EXOC1: variants seen among roughly 807,000 people sequenced by gnomAD.
EXOC1 encodes SEC3-like 1.
A neutral mutation model predicts 107.7 loss-of-function variants in EXOC1; 67 were observed. The observed-to-expected ratio is 0.62, with a 90% CI of 0.51 to 0.76. The LOEUF is 0.76. Ranked by LOEUF, EXOC1 falls within the 30% of genes least tolerant of loss-of-function variation. The pLI, the probability that EXOC1 is intolerant of heterozygous loss-of-function variation, is 0.00. For synonymous variants in EXOC1, 348 were observed against 353.5 expected (o/e 0.98, Z 0.17); for missense variants, 833 against 1,055.7 (o/e 0.79, Z 2.92).
chr4:55,876,126 C>G (rs1447984880), intron 8 of EXOC1: 3 of 984,872 alleles, frequency 3.0e-6, no homozygotes, highest in East Asian at 2.3e-4. Context: ...GTGTATTTTA[C>G]TTAATATTAT....
intron 9 of EXOC1, among the ~76,000 whole-genome samples, chr4:55,880,842 G>T (rs1464483728): frequency 6.6e-6 from 1 of 152,056 alleles, no homozygotes; most frequent in Non-Finnish European, 1.5e-5. Context: ...CAGGAATGTT[G>T]CGTCATCCTG....
chr4:55,868,278 A>G, intron 4 of EXOC1, 58 bp from the exon 5 acceptor site: 2 of 1,449,794 alleles, frequency 1.4e-6, no homozygotes, highest in Non-Finnish European at 1.9e-6. Flanking sequence ...TATATGTATT[A>G]TGTTATAGTC....
At chr4:55,893,230 C>A (rs1008178959) in intron 14 of EXOC1, among the ~76,000 whole-genome samples, 2 of 152,180 alleles carry the variant, frequency 1.3e-5, no homozygotes, top group African/African-American at 4.8e-5. Flanking sequence ...AGCGATTCTC[C>A]TGACTCAGCC....
At chr4:55,894,509 A>G (rs1338568481) in intron 15 of EXOC1, among the ~76,000 whole-genome samples, 1 of 151,542 alleles carries the variant, frequency 6.6e-6, no homozygotes, top group East Asian at 1.9e-4. Context: ...ATAGTTTAGT[A>G]GCTTTAATAA....
chr4:55,875,360 ATT>A (rs970262008), intron 8 of EXOC1: 5 of 767,880 alleles, frequency 6.5e-6, no homozygotes, highest in Admixed American at 6.4e-5. Flanking sequence ...CTTTGCTCAG[ATT>A]TTTTTTTTAA....
At position 55,892,337 on chromosome 4, in the gene EXOC1, C is replaced by A. The variant is rs531457698; in HGVS notation, c.1648-298C>A. ...GTGGTGGTTGTTGTCAAGCTGCCCC[C>A]ACTCCCACACCTTGCGTTCAGCTTC... On this transcript the variant is annotated intron_variant, in intron 13 of 18. Transcript: ENST00000381295. 1.1e-4 allele frequency among the ~76,000 whole-genome samples: 17 copies of A among 152,120 alleles called. No individual in the cohort carries two copies. In the South Asian group the frequency reaches 3.5e-3, roughly 32 times the overall value.
chr4:55,876,972 C>G (rs1191663084), intron 8 of EXOC1: 1 of 985,272 alleles, frequency 1.0e-6, no homozygotes, highest in Non-Finnish European at 1.2e-6. Flanking sequence ...TCTCAGTTAC[C>G]AAGGAACTCC....
At chr4:55,885,873 G>A (rs372095485) in intron 10 of EXOC1, among the ~76,000 whole-genome samples, 5 of 152,242 alleles carry the variant, frequency 3.3e-5, no homozygotes, top group African/African-American at 1.2e-4. Context: ...AAGATATAGT[G>A]TACATTTTTT....
At chr4:55,873,738 A>G (rs538011548) in intron 8 of EXOC1, among the ~76,000 whole-genome samples, 2 of 152,304 alleles carry the variant, frequency 1.3e-5, no homozygotes, top group African/African-American at 4.8e-5. Flanking sequence ...CACATAAGAA[A>G]GATTTTCTTA....
intron 1 of EXOC1, among the ~76,000 whole-genome samples, chr4:55,857,168 C>CTTTTTTTTTTTTTTTTTT (rs71192052): frequency 7.6e-5 from 5 of 65,768 alleles, no homozygotes; most frequent in African/African-American, 1.9e-4. Context: ...TCCTTTTTTT[C>CTTTTTTTTTTTTTTTTTT]TTTTTTTTTT....
At chr4:55,883,790 T>C (rs780607773) in intron 9 of EXOC1, 33 bp from the exon 10 acceptor site, 2 of 1,334,102 alleles carry the variant, frequency 1.5e-6, no homozygotes. Context: ...ATGTGTTTTA[T>C]TAATAAGAAG....
intron 8 of EXOC1, chr4:55,875,695 A>G: frequency 1.0e-6 from 1 of 985,288 alleles, no homozygotes; most frequent in Non-Finnish European, 1.2e-6. Flanking sequence ...GTTACTAATA[A>G]AAACTATTTG....
At chr4:55,854,925 C>G (rs576614339) in intron 1 of EXOC1, among the ~76,000 whole-genome samples, 13 of 152,086 alleles carry the variant, frequency 8.5e-5, no homozygotes, top group Non-Finnish European at 5.9e-5. Flanking sequence ...TTTAATGAGC[C>G]CATTAGACGG....
chr4:55,864,332 C>T lies in EXOC1; in HGVS notation c.361C>T (p.Arg121Ter), dbSNP rs191542392. 1.6e-5 allele frequency: 26 copies of T among 1,610,402 alleles called. No homozygotes were observed. The highest frequency in any genetic ancestry group is 5.0e-5 in the Admixed American group (3 of 59,742). ...TTCATGCATTTGGAAATTGAATCAG[C>T]GATATCTCCGGAAGAAAATTGATTT... ...FISCIWKLNQ[R>*]YLRKKIDFVN... The change falls in exon 4 of 19, where the codon CGA becomes TGA. Residue 121 changes from arginine to a stop codon, truncating the protein, a stop_gained. Coordinates refer to ENST00000381295, the MANE Select transcript of EXOC1 (RefSeq NM_001024924.2). LOFTEE classifies it high-confidence loss of function.
At position 55,870,925 on chromosome 4, in the gene EXOC1, A is replaced by G. The variant is rs2110335439; in HGVS notation, c.831+20A>G. The G allele has an allele frequency of 6.3e-7, 1 of 1,585,260 alleles. No homozygotes were observed. The highest frequency in any genetic ancestry group is 1.1e-5 in the South Asian group (1 of 87,168). ...CTTGTGGTAAGTATGATCATAAATT[A>G]CCAACAAAAAAAAACTAGTGATGAT... On this transcript the variant is annotated intron_variant, in intron 6 of 18. Coordinates refer to ENST00000381295, the MANE Select transcript of EXOC1 (RefSeq NM_001024924.2).
At chr4:55,873,699 T>G (rs1722647469) in intron 8 of EXOC1, among the ~76,000 whole-genome samples, 1 of 152,162 alleles carries the variant, frequency 6.6e-6, no homozygotes, top group Non-Finnish European at 1.5e-5. Context: ...ACCTGGGGTG[T>G]GCCAAAAACG....
intron 15 of EXOC1, among the ~76,000 whole-genome samples, 176 bp from the exon 16 acceptor site, chr4:55,896,541 T>C (rs1211390985): frequency 6.6e-6 from 1 of 152,220 alleles, no homozygotes; most frequent in African/African-American, 2.4e-5. Flanking sequence ...TAGTTATCCT[T>C]GTTTTGATTC....
chr4:55,894,759 AT>A (rs1374050590), intron 15 of EXOC1, among the ~76,000 whole-genome samples: 2 of 151,344 alleles, frequency 1.3e-5, no homozygotes, highest in East Asian at 3.9e-4. Flanking sequence ...AGTAGCTGGG[AT>A]TGCAGGCATG....
At chr4:55,881,380 G>T (rs1453970322) in intron 9 of EXOC1, among the ~76,000 whole-genome samples, 1 of 152,082 alleles carries the variant, frequency 6.6e-6, no homozygotes, top group Admixed American at 6.6e-5. Flanking sequence ...TTTTACATTT[G>T]TAGAATTTGT....
Sources: gnomAD v4.1 joint callset for allele counts (sites outside exome capture counted in the v4.1 genomes callset) on GRCh38, gnomAD v4.1.1 for gene constraint, MANE v1.5 for transcripts, NCBI Gene and HGNC (gene_info 2026-07-23, HGNC 2026-07-21) for gene names.